The following CAPZA2 variants were observed in gnomAD, a reference collection of about 807,000 sequenced individuals.
CAPZA2 encodes the protein capping actin protein of muscle Z-line subunit alpha 2.
CAPZA2 carries 13 observed loss-of-function variants against 44.0 expected under a neutral mutation model. The ratio of observed to expected loss-of-function variants is 0.30; its 90% CI spans 0.19 to 0.47. The LOEUF (loss-of-function observed/expected upper bound fraction) is 0.47. CAPZA2 is among the 20% of genes least tolerant of loss of function. The pLI is 1.00. For missense variants in CAPZA2, 244 were observed against 338.6 expected (o/e 0.72, Z 2.19); for synonymous variants, 94 against 108.2 (o/e 0.87, Z 0.81).
At chr7:116,868,307 A>G (rs1442133691) in intron 1 of CAPZA2, among the ~76,000 whole-genome samples, 3 of 152,204 alleles carry the variant, frequency 2.0e-5, no homozygotes, top group Admixed American at 2.0e-4. Flanking sequence ...TTGTTACTCT[A>G]CCATGTGATG....
At chr7:116,864,623 T>C (rs1458742358) in intron 1 of CAPZA2, among the ~76,000 whole-genome samples, 2 of 152,190 alleles carry the variant, frequency 1.3e-5, no homozygotes, top group Non-Finnish European at 2.9e-5. Context: ...ACTTGAGATA[T>C]CTAAAGGTTA....
In CAPZA2 at chr7:116,893,004, A is replaced by G; in HGVS notation, c.114A>G (p.Leu38=). ...ATAATTGTTTTGCAGATGTTCGGTT[A>G]CTGCTTAATAATGACAATCTTCTCA... ...EFNEVFNDVR[L]LLNNDNLLRE... is the part of the protein sequence containing the mutation. The change falls in exon 3 of 10, where the codon TTA becomes TTG. Residue 38 remains leucine, a synonymous_variant. Transcript: ENST00000361183. 2 of 1,595,280 alleles carry G rather than the reference A, an allele frequency of 1.3e-6. No homozygotes were observed. Among genetic ancestry groups the G allele is most frequent in the Non-Finnish European group, 8.6e-7 (1 of 1,166,790 alleles).
chr7:116,868,847 C>T (rs768835981), intron 1 of CAPZA2, among the ~76,000 whole-genome samples: 1 of 152,138 alleles, frequency 6.6e-6, no homozygotes, highest in Non-Finnish European at 1.5e-5. Flanking sequence ...TGTTATTTCA[C>T]CAATAAAGTG....
At chr7:116,903,871 A>G (rs1186169361) in intron 4 of CAPZA2, among the ~76,000 whole-genome samples, 1 of 152,194 alleles carries the variant, frequency 6.6e-6, no homozygotes, top group African/African-American at 2.4e-5. Context: ...AAACTGTTAG[A>G]GTTCTCAAAG....
chr7:116,903,233 AGTGTGTGTGTGTGTGTGT>A (rs71148342), intron 4 of CAPZA2, among the ~76,000 whole-genome samples: 1 of 146,340 alleles, frequency 6.8e-6, no homozygotes, highest in Non-Finnish European at 1.5e-5. Flanking sequence ...TGCAGAGAAG[AGTGTGTGTGTGTGTGTGT>A]GTGTGTGTGT....
intron 4 of CAPZA2, among the ~76,000 whole-genome samples, chr7:116,900,465 A>G (rs758485010): frequency 1.4e-4 from 22 of 151,930 alleles, no homozygotes; most frequent in Non-Finnish European, 2.1e-4. Flanking sequence ...AATTTAAGGT[A>G]AGGATACAAA....
chr7:116,862,857 G>C (rs1017156829), intron 1 of CAPZA2, among the ~76,000 whole-genome samples: 1 of 151,900 alleles, frequency 6.6e-6, no homozygotes, highest in Admixed American at 6.5e-5. Flanking sequence ...TGCCAGGCCT[G>C]CTCGCTCCGC....
chr7:116,880,063 C>T, intron 1 of CAPZA2: 1 of 463,992 alleles, frequency 2.2e-6, no homozygotes. Flanking sequence ...TTTTTTCTTC[C>T]CAGACTAAGT....
At chr7:116,886,957 T>C (rs1052429219) in intron 1 of CAPZA2, among the ~76,000 whole-genome samples, 3 of 152,238 alleles carry the variant, frequency 2.0e-5, no homozygotes, top group African/African-American at 7.2e-5. Flanking sequence ...TCTCTTAAAA[T>C]ATGCCTGTTA....
chr7:116,890,417 T>C (rs978936540), intron 2 of CAPZA2, among the ~76,000 whole-genome samples: 1 of 149,040 alleles, frequency 6.7e-6, no homozygotes, highest in Non-Finnish European at 1.5e-5. Flanking sequence ...ATGCCTATAA[T>C]GCCAGCGCTT....
intron 1 of CAPZA2, among the ~76,000 whole-genome samples, chr7:116,879,391 A>G (rs1045345216): frequency 1.3e-5 from 2 of 152,158 alleles, no homozygotes; most frequent in African/African-American, 4.8e-5. Flanking sequence ...TTGAAAATTA[A>G]CAATCTATCT....
chr7:116,892,058 TATAC>T (rs1254913037), intron 2 of CAPZA2, among the ~76,000 whole-genome samples: 1 of 152,196 alleles, frequency 6.6e-6, no homozygotes, highest in Non-Finnish European at 1.5e-5. Flanking sequence ...AATATGATAA[TATAC>T]ATACTAAATT....
chr7:116,908,722 G>A (rs1325008610), intron 6 of CAPZA2, among the ~76,000 whole-genome samples: 13 of 152,032 alleles, frequency 8.6e-5, no homozygotes, highest in Admixed American at 8.5e-4. Flanking sequence ...TCACTAGCTG[G>A]CTTGGCACTA....
At chr7:116,904,598 A>T in intron 5 of CAPZA2, 2 of 468,146 alleles carry the variant, frequency 4.3e-6, no homozygotes, top group Non-Finnish European at 7.5e-6. Flanking sequence ...TTGTACCTTG[A>T]TTTAAATCCA....
intron 4 of CAPZA2, among the ~76,000 whole-genome samples, chr7:116,902,199 A>AAATT (rs1459007472): frequency 6.6e-6 from 1 of 152,204 alleles, no homozygotes; most frequent in African/African-American, 2.4e-5. Flanking sequence ...AGGTGGTTTT[A>AAATT]AAATGTGAAA....
chr7:116,904,104 A>G, intron 4 of CAPZA2, 73 bp from the exon 5 acceptor site: 1 of 849,582 alleles, frequency 1.2e-6, no homozygotes, highest in Non-Finnish European at 1.9e-6. Context: ...AGCTTAAATG[A>G]GTGTAATTAT....
intron 1 of CAPZA2, among the ~76,000 whole-genome samples, chr7:116,866,819 A>T (rs1796489598): frequency 6.6e-6 from 1 of 152,210 alleles, no homozygotes; most frequent in Non-Finnish European, 1.5e-5. Context: ...ATTACTGGTC[A>T]GATTTTTATC....
At chr7:116,887,064 T>A (rs573818449) in intron 1 of CAPZA2, among the ~76,000 whole-genome samples, 2 of 152,364 alleles carry the variant, frequency 1.3e-5, no homozygotes, top group African/African-American at 4.8e-5. Flanking sequence ...CTTAAACTTT[T>A]CCTTTCTCCT....
chr7:116,898,607 A>G (rs373255138), intron 3 of CAPZA2, among the ~76,000 whole-genome samples, 165 bp from the exon 4 acceptor site: 5 of 152,252 alleles, frequency 3.3e-5, no homozygotes, highest in Admixed American at 1.3e-4. Flanking sequence ...TAGGCATGTC[A>G]TTATTTGTAG....
Sources: allele counts gnomAD v4.1 joint callset (sites outside exome capture counted in the v4.1 genomes callset), GRCh38; gene constraint gnomAD v4.1.1; transcripts MANE v1.5; gene names NCBI Gene and HGNC (gene_info 2026-07-23, HGNC 2026-07-21).